Variants in RPS6KC1 observed in about 807,000 individuals in gnomAD.
RPS6KC1 encodes the protein inactive ribosomal protein S6 kinase delta-1.
Under a neutral mutation model 103.8 loss-of-function variants are expected in RPS6KC1, and 54 were observed. The ratio of observed to expected loss-of-function variants is 0.52; its 90% CI spans 0.42 to 0.65. RPS6KC1 has a LOEUF of 0.65. Ranked by LOEUF, RPS6KC1 falls within the 30% of genes least tolerant of loss-of-function variation. RPS6KC1 has a pLI of 0.00. For missense variants in RPS6KC1, 1,151 were observed against 1,253.8 expected (o/e 0.92, Z 1.24); for synonymous variants, 439 against 438.7 (o/e 1.00, Z -0.01).
chr1:213,779,403 A>T, the RPS6KC1 span, among the ~76,000 whole-genome samples: 1 of 152,244 alleles, frequency 6.6e-6, no homozygotes, highest in African/African-American at 2.4e-5. Context: ...GTGCTCAGGT[A>T]TGACACACCC....
the RPS6KC1 span, among the ~76,000 whole-genome samples, chr1:213,458,071 G>A: frequency 6.6e-6 from 1 of 152,140 alleles, no homozygotes; most frequent in Non-Finnish European, 1.5e-5. Flanking sequence ...GTGATGCTGA[G>A]GTTTGGGGTG....
the RPS6KC1 span, among the ~76,000 whole-genome samples, chr1:213,763,975 A>G: frequency 2.0e-5 from 3 of 152,214 alleles, no homozygotes; most frequent in African/African-American, 7.2e-5. Flanking sequence ...CCTTCTCTGT[A>G]TATTTTATTC....
the RPS6KC1 span, among the ~76,000 whole-genome samples, chr1:213,797,414 C>T: frequency 3.9e-5 from 6 of 152,126 alleles, no homozygotes; most frequent in Admixed American, 2.6e-4. Flanking sequence ...TTATTTAGTG[C>T]CTATTGTGTT....
the RPS6KC1 span, among the ~76,000 whole-genome samples, chr1:213,631,260 A>G: frequency 6.6e-6 from 1 of 151,594 alleles, no homozygotes; most frequent in South Asian, 2.1e-4. Context: ...TGAACCCAGT[A>G]CCTCAGCTGG....
intron 8 of RPS6KC1, among the ~76,000 whole-genome samples, chr1:213,206,004 G>T (rs1412252483): frequency 6.6e-6 from 1 of 152,056 alleles, no homozygotes; most frequent in African/African-American, 2.4e-5. Flanking sequence ...AGAACATTTT[G>T]GATTTTGGAT....
At chr1:213,780,890 G>T in the RPS6KC1 span, among the ~76,000 whole-genome samples, 1 of 152,268 alleles carries the variant, frequency 6.6e-6, no homozygotes, top group East Asian at 1.9e-4. Context: ...GGATGTGGTG[G>T]CGTGCACCTG....
the RPS6KC1 span, among the ~76,000 whole-genome samples, chr1:213,478,023 C>A: frequency 6.6e-6 from 1 of 152,138 alleles, no homozygotes; most frequent in African/African-American, 2.4e-5. Context: ...CTGCGCTCTG[C>A]CTATTCATCC....
chr1:213,635,294 C>A, the RPS6KC1 span, among the ~76,000 whole-genome samples: 1 of 152,156 alleles, frequency 6.6e-6, no homozygotes, highest in African/African-American at 2.4e-5. Flanking sequence ...TATCCTGTCA[C>A]CAAAGCCTGG....
chr1:213,602,078 C>CTTTCTTTCTTTCTT, the RPS6KC1 span, among the ~76,000 whole-genome samples: 1 of 38,584 alleles, frequency 2.6e-5, no homozygotes, highest in African/African-American at 1.6e-4. Context: ...TTCTTTCTTT[C>CTTTCTTTCTTTCTT]TCTTTCTTTC....
intron 3 of RPS6KC1, among the ~76,000 whole-genome samples, chr1:213,094,077 A>G (rs2081232602): frequency 1.0e-5 from 1 of 96,548 alleles, no homozygotes; most frequent in African/African-American, 4.0e-5. Flanking sequence ...AAAATTTCAA[A>G]TTTATGCTCC....
chr1:213,804,363 C>T, the RPS6KC1 span, among the ~76,000 whole-genome samples: 4 of 151,968 alleles, frequency 2.6e-5, no homozygotes, highest in African/African-American at 7.3e-5. Context: ...ATTCACTGAA[C>T]GAGAATGAAT....
chr1:213,262,224 T>C (rs1035727755), intron 13 of RPS6KC1, among the ~76,000 whole-genome samples: 7 of 152,120 alleles, frequency 4.6e-5, no homozygotes, highest in Admixed American at 3.3e-4. Flanking sequence ...AAATGAACAG[T>C]TACACTTTTG....
At position 213,051,381 on chromosome 1, in the gene RPS6KC1, G is replaced by C. The variant is rs1233669773; in HGVS notation, c.-24G>C. The C allele has an allele frequency of 1.9e-6, 3 of 1,580,400 alleles. No homozygotes were observed. Among genetic ancestry groups the C allele is most frequent in the Non-Finnish European group, 2.6e-6 (3 of 1,151,616 alleles). On this transcript the variant is annotated 5_prime_UTR_variant, in exon 1 of 15. Transcript: ENST00000366960. Reference sequence around the variant, plus strand: ...TCCCTCATGATCCCGGGCGGGTGGCGGCGGCGGCAGAGGCGGCGGGAGGAT... The same window carrying C: ...TCCCTCATGATCCCGGGCGGGTGGCCGCGGCGGCAGAGGCGGCGGGAGGAT...
the RPS6KC1 span, among the ~76,000 whole-genome samples, chr1:213,379,289 T>C: frequency 6.6e-6 from 1 of 152,172 alleles, no homozygotes; most frequent in African/African-American, 2.4e-5. Context: ...ATTACAGATA[T>C]AATTAGTTAA....
the RPS6KC1 span, among the ~76,000 whole-genome samples, chr1:213,481,129 A>G: frequency 1.3e-5 from 2 of 152,090 alleles, no homozygotes; most frequent in East Asian, 1.9e-4. Context: ...AGTCTCATGT[A>G]ATAGGATGAA....
chr1:213,195,621 T>G (rs999434051), intron 8 of RPS6KC1, among the ~76,000 whole-genome samples: 5 of 152,136 alleles, frequency 3.3e-5, no homozygotes, highest in Non-Finnish European at 7.4e-5. Context: ...CTTCCAGCCT[T>G]TCTCCTGAGT....
At chr1:213,191,228 C>T (rs2092733266) in intron 8 of RPS6KC1, among the ~76,000 whole-genome samples, 1 of 151,898 alleles carries the variant, frequency 6.6e-6, no homozygotes, top group Non-Finnish European at 1.5e-5. Flanking sequence ...TCTGTAGATT[C>T]CTTTAGTGTA....
the RPS6KC1 span, among the ~76,000 whole-genome samples, chr1:213,646,742 C>A: frequency 6.6e-6 from 1 of 152,006 alleles, no homozygotes; most frequent in Non-Finnish European, 1.5e-5. Context: ...CCTGAGCTCT[C>A]CTGAGGTCAT....
intron 6 of RPS6KC1, among the ~76,000 whole-genome samples, chr1:213,151,198 G>C (rs2088787166): frequency 7.0e-6 from 1 of 142,052 alleles, no homozygotes; most frequent in African/African-American, 2.6e-5. Flanking sequence ...TCCCGGATGG[G>C]GCGGCTGGCC....
Sources: gnomAD v4.1 joint callset for allele counts (sites outside exome capture counted in the v4.1 genomes callset) on GRCh38, gnomAD v4.1.1 for gene constraint, MANE v1.5 for transcripts, NCBI Gene and HGNC (gene_info 2026-07-23, HGNC 2026-07-21) for gene names.